Variants in PATJ observed in about 807,000 individuals in gnomAD.
The protein encoded by PATJ is inaD-like protein.
PATJ carries 190 observed loss-of-function variants against 224.9 expected under a neutral mutation model. The observed-to-expected ratio is 0.84, with a 90% CI of 0.75 to 0.95. PATJ has a LOEUF of 0.95. PATJ is among the 40% of genes least tolerant of loss of function. The pLI is 0.00. For synonymous variants in PATJ, 769 were observed against 820.3 expected, an observed-to-expected ratio of 0.94 and a Z score of 1.07; for missense variants, 2,121 against 2,270.3, an observed-to-expected ratio of 0.93 and a Z score of 1.34.
At chr1:62,146,926 A>G (rs1011129039) in intron 41 of PATJ, among the ~76,000 whole-genome samples, 2 of 152,206 alleles carry the variant, frequency 1.3e-5, no homozygotes, top group Non-Finnish European at 2.9e-5. Context: ...CCCAAGATGA[A>G]GAAGGCTCCA....
chr1:61,913,709 T>G (rs1237827928), intron 25 of PATJ, among the ~76,000 whole-genome samples: 1 of 152,358 alleles, frequency 6.6e-6, no homozygotes, highest in East Asian at 1.9e-4. Context: ...CTCATTAAGC[T>G]TATTCAGTGG....
chr1:61,800,583 T>A (rs1360349028), intron 11 of PATJ, among the ~76,000 whole-genome samples: 1 of 152,234 alleles, frequency 6.6e-6, no homozygotes, highest in Non-Finnish European at 1.5e-5. Context: ...TTTCTTTTTT[T>A]AAATTTTTTT....
intron 41 of PATJ, among the ~76,000 whole-genome samples, chr1:62,130,809 C>T (rs1319685995): frequency 1.3e-5 from 2 of 152,094 alleles, no homozygotes; most frequent in Admixed American, 1.3e-4. Context: ...CGAGATGGCA[C>T]CACTGCACTC....
chr1:61,759,980 AT>A (rs1645873298), intron 1 of PATJ, among the ~76,000 whole-genome samples: 1 of 152,186 alleles, frequency 6.6e-6, no homozygotes, highest in South Asian at 2.1e-4. Flanking sequence ...CAGTAAAAAA[AT>A]GTCATCTTAT....
intron 17 of PATJ, among the ~76,000 whole-genome samples, chr1:61,838,521 ATTTTTTTTTTTT>A (rs34877280): frequency 8.7e-6 from 1 of 115,574 alleles, no homozygotes. Flanking sequence ...CGCCTGGCTA[ATTTTTTTTTTTT>A]TTTTTTTTTT....
intron 27 of PATJ, among the ~76,000 whole-genome samples, chr1:61,955,222 G>A (rs755888202): frequency 2.0e-5 from 3 of 152,148 alleles, no homozygotes; most frequent in Middle Eastern, 3.2e-3. Context: ...TAGCATAGCC[G>A]CAGTTACTGT....
At chr1:61,963,588 T>A (rs1681636687) in intron 27 of PATJ, among the ~76,000 whole-genome samples, 1 of 151,994 alleles carries the variant, frequency 6.6e-6, no homozygotes, top group Non-Finnish European at 1.5e-5. Context: ...AGAGTGAGAC[T>A]CTGTCTCAAA....
chr1:61,865,232 C>G (rs1043567017), intron 20 of PATJ: 3 of 53,616 alleles, frequency 5.6e-5, no homozygotes, highest in Non-Finnish European at 1.3e-4. Context: ...TTTTTTTTTT[C>G]TGAGACAGGG....
chr1:61,991,599 C>A (rs569061853), intron 28 of PATJ: 1 of 985,410 alleles, frequency 1.0e-6, no homozygotes, highest in East Asian at 1.1e-4. Flanking sequence ...TTCTTCCAAA[C>A]CTTGGTTGCT....
chr1:62,125,251 AAAC>A (rs1424264181), intron 39 of PATJ, among the ~76,000 whole-genome samples: 4 of 100,584 alleles, frequency 4.0e-5, no homozygotes, highest in African/African-American at 1.6e-4. Flanking sequence ...AAAAAAAAAA[AAAC>A]AAAAAAAAAC....
chr1:61,747,304 CA>C (rs1295386702), intron 1 of PATJ, among the ~76,000 whole-genome samples: 1 of 152,042 alleles, frequency 6.6e-6, no homozygotes, highest in Non-Finnish European at 1.5e-5. Context: ...CCTTTTAAGT[CA>C]GTGGGATAGA....
At chr1:61,756,012 C>T (rs928021351) in intron 1 of PATJ, among the ~76,000 whole-genome samples, 2 of 152,040 alleles carry the variant, frequency 1.3e-5, no homozygotes, top group Admixed American at 6.6e-5. Flanking sequence ...ATGTTGGTCT[C>T]GAACTCCTGA....
intron 34 of PATJ, among the ~76,000 whole-genome samples, chr1:62,110,733 C>T (rs1327945490): frequency 6.6e-6 from 1 of 152,170 alleles, no homozygotes; most frequent in Non-Finnish European, 1.5e-5. Context: ...GGAACTGCTG[C>T]ACTAGCTTTG....
At chr1:61,817,429 C>T (rs552108153) in intron 14 of PATJ, among the ~76,000 whole-genome samples, 17 of 152,128 alleles carry the variant, frequency 1.1e-4, no homozygotes, top group Middle Eastern at 3.4e-3. Context: ...TTTGGGAGGC[C>T]GAGGTGGGTG....
chr1:62,026,952 G>A (rs1444800337), intron 29 of PATJ, among the ~76,000 whole-genome samples: 4 of 152,062 alleles, frequency 2.6e-5, no homozygotes, highest in African/African-American at 9.7e-5. Flanking sequence ...CCAAAAGGTG[G>A]GAGCAACCGA....
In PATJ at chr1:62,114,342, T is replaced by C. The variant is rs183269707; in HGVS notation, c.4655+96T>C. ...GAGAAAGCCTAATGTAAAGTAGTGA[T>C]GGGATTTCTAAAAATAAGATATTTA... On this transcript the variant is annotated intron_variant, in intron 35 of 43. Coordinates refer to ENST00000642238, the MANE Select transcript of PATJ (RefSeq NM_001350145.3). 95 of 1,068,708 alleles carry C rather than the reference T, an allele frequency of 8.9e-5. 1 individual carries two copies. The African/African-American group carries it at 1.4e-3, about 16-fold the overall frequency. 66.2% of individuals were successfully genotyped at this position (1,068,708 alleles called of 1,614,324 possible). A position where few individuals can be genotyped will look rare whatever the true frequency, so the allele number is the denominator to read the frequency against.
At chr1:61,981,293 T>G (rs1037383599) in intron 27 of PATJ, among the ~76,000 whole-genome samples, 1 of 151,938 alleles carries the variant, frequency 6.6e-6, no homozygotes, top group African/African-American at 2.4e-5. Context: ...CTGAGCACCT[T>G]GTTACAAAGA....
Position 61,787,843 on chromosome 1 carries a change from A to G in PATJ, c.939A>G (p.Leu313=). The G allele has an allele frequency of 6.2e-7, 1 of 1,614,072 alleles. No individual in the cohort carries two copies. Among genetic ancestry groups the G allele is most frequent in the South Asian group, 1.1e-5 (1 of 91,078 alleles). Residue 313 remains leucine, a synonymous_variant, in exon 8 of 44, where the codon CTA becomes CTG. Coordinates refer to ENST00000642238, the MANE Select transcript of PATJ (RefSeq NM_001350145.3). Reference sequence around the variant, plus strand: ...CCAGTGAGCAAGTTGCACAAGTTCTAAGGAACTGTGGGAATTCAGTCAGGA... The same window carrying G: ...CCAGTGAGCAAGTTGCACAAGTTCTGAGGAACTGTGGGAATTCAGTCAGGA... ...GMTSEQVAQV[L]RNCGNSVRML... is the part of the protein sequence containing the mutation.
chr1:61,760,037 G>A (rs957377557), intron 1 of PATJ, among the ~76,000 whole-genome samples: 1 of 152,176 alleles, frequency 6.6e-6, no homozygotes, highest in African/African-American at 2.4e-5. Context: ...ATGTGTTAAT[G>A]ACCAGCAGGC....
Sources: gnomAD v4.1 joint callset for allele counts (sites outside exome capture counted in the v4.1 genomes callset) on GRCh38, gnomAD v4.1.1 for gene constraint, MANE v1.5 for transcripts, NCBI Gene and HGNC (gene_info 2026-07-23, HGNC 2026-07-21) for gene names.